Variants in ZNF174 observed in about 807,000 individuals in gnomAD.
ZNF174 encodes AW-1.
ZNF174 carries 30 observed loss-of-function variants against 38.7 expected under a neutral mutation model. That is an observed-to-expected ratio of 0.78 (90% confidence interval 0.58 to 1.05). ZNF174 has a LOEUF of 1.05. ZNF174 is among the 50% of genes least tolerant of loss of function. The pLI, the probability that ZNF174 is intolerant of heterozygous loss-of-function variation, is 0.00. For missense variants in ZNF174, 499 were observed against 495.6 expected, an observed-to-expected ratio of 1.01 and a Z score of -0.06; for synonymous variants, 201 against 181.7, an observed-to-expected ratio of 1.11 and a Z score of -0.86.
intron 2 of ZNF174, among the ~76,000 whole-genome samples, chr16:3,407,287 T>C (rs2034068749): frequency 6.6e-6 from 1 of 152,122 alleles, no homozygotes; most frequent in Non-Finnish European, 1.5e-5. Context: ...CCAAGACCAC[T>C]GCACTGGGGA....
chr16:3,406,753 C>G (rs1422607051), intron 2 of ZNF174, among the ~76,000 whole-genome samples: 1 of 152,152 alleles, frequency 6.6e-6, no homozygotes, highest in African/African-American at 2.4e-5. Flanking sequence ...TCCTTTGACG[C>G]ACACGTTTTT....
chr16:3,404,878 A>G, intron 2 of ZNF174: 1 of 1,609,054 alleles, frequency 6.2e-7, no homozygotes, highest in Non-Finnish European at 8.5e-7. Flanking sequence ...AGTGCATGAC[A>G]GGGTTGTACC....
chr16:3,404,893 T>C (rs2034031735), intron 2 of ZNF174: 23 of 1,612,796 alleles, frequency 1.4e-5, no homozygotes, highest in Non-Finnish European at 1.9e-5. Context: ...TGTACCTACT[T>C]TTCTGTCCGT....
chr16:3,404,897 T>A (rs768757587), intron 2 of ZNF174: 1 of 1,613,160 alleles, frequency 6.2e-7, no homozygotes, highest in South Asian at 1.1e-5. Flanking sequence ...CCTACTTTTC[T>A]GTCCGTTTCA....
chr16:3,403,327 G>A (rs1485413313), intron 1 of ZNF174, among the ~76,000 whole-genome samples: 1 of 151,270 alleles, frequency 6.6e-6, no homozygotes, highest in South Asian at 2.1e-4. Flanking sequence ...CTGCCACCAC[G>A]CCCAGCTAAT....
chr16:3,406,681 C>T (rs1390372793), intron 2 of ZNF174, among the ~76,000 whole-genome samples: 3 of 152,114 alleles, frequency 2.0e-5, no homozygotes, highest in Non-Finnish European at 2.9e-5. Flanking sequence ...ATACTAGACC[C>T]TTATGTGTAA....
At position 3,408,894 on chromosome 16, in the gene ZNF174, A is replaced by T; in HGVS notation, c.1199A>T (p.His400Leu). 1 of 1,610,968 alleles carries T rather than the reference A, an allele frequency of 6.2e-7. No individual in the cohort carries two copies. Residue 400 changes from histidine to leucine, a missense_variant, in exon 3 of 3, where the codon CAT becomes CTT. Coordinates refer to ENST00000268655, the MANE Select transcript of ZNF174 (RefSeq NM_003450.3). ...SFRQSSNLHQ[H>L]HRLHHGD ...CGCCAGAGCTCAAACCTTCACCAGC[A>T]TCACCGACTTCACCATGGGGACTAA...
At chr16:3,405,744 C>T (rs57107859) in intron 2 of ZNF174, among the ~76,000 whole-genome samples, 13,438 of 152,284 alleles carry the variant, frequency 0.088, 684 homozygotes, top group African/African-American at 0.14. Context: ...CAGTGGCTCA[C>T]GCCTGTAATC....
rs758042624 is a variant in ZNF174 at position 3,401,960 on chromosome 16, G to A, written c.-45G>A. The A allele has an allele frequency of 1.8e-5, 28 of 1,597,136 alleles. No homozygotes were observed. In the South Asian group the frequency reaches 2.9e-4, roughly 17 times the overall value. Reference sequence around the variant, plus strand: ...ACTTCTCCAGGGTCATGATCCCAAAGGCTTAACCCGTTTACAAGGAGAGAG... The same window carrying A: ...ACTTCTCCAGGGTCATGATCCCAAAAGCTTAACCCGTTTACAAGGAGAGAG... On this transcript the variant is annotated 5_prime_UTR_variant, in exon 1 of 3. Coordinates refer to ENST00000268655, the MANE Select transcript of ZNF174 (RefSeq NM_003450.3).
At chr16:3,407,721 G>T (rs1181998594) in intron 2 of ZNF174, among the ~76,000 whole-genome samples, 1 of 152,174 alleles carries the variant, frequency 6.6e-6, no homozygotes, top group African/African-American at 2.4e-5. Context: ...TCTCCATCCA[G>T]ACTGTCAATC....
intron 2 of ZNF174, chr16:3,404,853 A>G: frequency 6.3e-7 from 1 of 1,594,574 alleles, no homozygotes. Context: ...TCTGTTAATG[A>G]AAATTTAAGA....
chr16:3,405,807 G>C (rs2034047829), intron 2 of ZNF174, among the ~76,000 whole-genome samples: 1 of 152,148 alleles, frequency 6.6e-6, no homozygotes, highest in African/African-American at 2.4e-5. Context: ...AGGAGTTCGA[G>C]ACCAGCCTGG....
intron 1 of ZNF174, among the ~76,000 whole-genome samples, chr16:3,403,862 G>A (rs978697541): frequency 7.9e-5 from 12 of 152,236 alleles, no homozygotes; most frequent in African/African-American, 7.2e-5. Flanking sequence ...TCCCCGCCCC[G>A]AAGTCAGACC....
rs1453236338 is a variant in ZNF174 at position 3,402,362 on chromosome 16, C to G, written c.358C>G (p.Leu120Val). The change falls in exon 1 of 3, where the codon CTC (leucine) becomes GTC (valine). Residue 120 changes from leucine to valine, a missense_variant. Coordinates refer to ENST00000268655, the MANE Select transcript of ZNF174 (RefSeq NM_003450.3). ...AATGAGCAGCAAGGAGATTGTGACC[C>G]TCGTGGAAGATTTTCACAGAGCATC... Reference protein sequence around the residue: ...CPMSSKEIVTLVEDFHRASKK... With the variant: ...CPMSSKEIVTVVEDFHRASKK... The G allele has an allele frequency of 1.2e-6, 2 of 1,614,052 alleles. No individual in the cohort carries two copies. Among genetic ancestry groups the G allele is most frequent in the African/African-American group, 1.3e-5 (1 of 75,010 alleles).
At chr16:3,405,159 C>CT in intron 2 of ZNF174, 12 of 1,273,040 alleles carry the variant, frequency 9.4e-6, no homozygotes, top group Non-Finnish European at 1.2e-5. Context: ...CCTGTGATCT[C>CT]TAAGCCTGAA....
At chr16:3,406,720 G>A (rs1030863404) in intron 2 of ZNF174, among the ~76,000 whole-genome samples, 6 of 152,054 alleles carry the variant, frequency 3.9e-5, no homozygotes, top group Non-Finnish European at 5.9e-5. Context: ...CATTTTGTGG[G>A]TTGTCTCACT....
At position 3,404,456 on chromosome 16, in the gene ZNF174, C is replaced by G. The variant is rs2034020725; in HGVS notation, c.433C>G (p.Leu145Val). 6.2e-7 allele frequency: 1 copy of G among 1,609,806 alleles called. No homozygotes were observed. Among genetic ancestry groups the G allele is most frequent in the African/African-American group, 1.3e-5 (1 of 74,788 alleles). The part of the protein sequence containing the change: ...VAVCMQGQKV[L>V]LEKTGSQLGE... ...CGTTTGTATGCAGGGGCAAAAGGTG[C>G]TCTTGGAGAAAACTGGATCTCAGCT... Residue 145 changes from leucine (L) to valine (V), a missense_variant, in exon 2 of 3, where the codon CTC (leucine) becomes GTC (valine). By Grantham distance (32) the Leu-to-Val change is conservative. Transcript: ENST00000268655.
rs1567337428 is a variant in ZNF174 at position 3,401,756 on chromosome 16, T to C, written c.-249T>C. On this transcript the variant is annotated 5_prime_UTR_variant, in exon 1 of 3. Coordinates refer to ENST00000268655, the MANE Select transcript of ZNF174 (RefSeq NM_003450.3). ...AGAGTCCTTTTAGGACGTTATGACT[T>C]TTCTCCTTTGCAAGACTGCAAAAAA... The C allele has an allele frequency of 4.3e-6, 2 of 466,596 alleles. No homozygotes were observed. The highest frequency in any genetic ancestry group is 7.6e-6 in the Non-Finnish European group (2 of 263,960). The allele number at this position is 466,596 out of a possible 1,614,324, so 28.9% of individuals were successfully genotyped here.
rs1314836973 is a variant in ZNF174 at position 3,402,329 on chromosome 16, C to A, written c.325C>A (p.Arg109=). 6.2e-7 allele frequency: 1 copy of A among 1,613,894 alleles called. No homozygotes were observed. The highest frequency in any genetic ancestry group is 8.5e-7 in the Non-Finnish European group (1 of 1,180,018). The change falls in exon 1 of 3, where the codon CGA becomes AGA. Residue 109 remains arginine (R), a synonymous_variant. Transcript: ENST00000268655. The stretch of plus-strand genomic sequence containing the variant: ...GGAGATCCAGGCTCGGGTCAGGCAT[C>A]GATGTCCAATGAGCAGCAAGGAGAT... ...PPEIQARVRH[R]CPMSSKEIVT... is the part of the protein sequence containing the mutation.
Sources: gnomAD v4.1 joint callset for allele counts (sites outside exome capture counted in the v4.1 genomes callset) on GRCh38, gnomAD v4.1.1 for gene constraint, MANE v1.5 for transcripts, NCBI Gene and HGNC (gene_info 2026-07-23, HGNC 2026-07-21) for gene names.